The following PTBP2 variants were observed in gnomAD, a reference collection of about 807,000 sequenced individuals.
PTBP2 encodes polypyrimidine tract-binding protein 2.
PTBP2 carries 13 observed loss-of-function variants against 61.4 expected under a neutral mutation model. The ratio of observed to expected loss-of-function variants is 0.21; its 90% CI spans 0.14 to 0.34. PTBP2 has a LOEUF of 0.34. Among genes scored for constraint, PTBP2 ranks in the 10% least tolerant of loss-of-function variants. PTBP2 has a pLI of 1.00. For synonymous variants in PTBP2, 215 were observed against 218.5 expected (o/e 0.98, Z 0.14); for missense variants, 405 against 642.6 (o/e 0.63, Z 4.00).
At chr1:96,737,128 T>G (rs547859219) in intron 2 of PTBP2, among the ~76,000 whole-genome samples, 18 of 152,092 alleles carry the variant, frequency 1.2e-4, no homozygotes, top group African/African-American at 4.3e-4. Context: ...TACAGGCGCC[T>G]GCCACCACAC....
intron 3 of PTBP2, among the ~76,000 whole-genome samples, chr1:96,753,924 C>T (rs528950678): frequency 6.6e-6 from 1 of 152,044 alleles, no homozygotes; most frequent in East Asian, 1.9e-4. Context: ...GACAATGAAG[C>T]AGTCTGACAT....
chr1:96,778,638 T>C (rs1182462857), intron 7 of PTBP2, among the ~76,000 whole-genome samples: 1 of 152,092 alleles, frequency 6.6e-6, no homozygotes, highest in Non-Finnish European at 1.5e-5. Context: ...TTATTACTAT[T>C]CCATTATTAA....
chr1:96,789,984 G>A (rs74104491), intron 8 of PTBP2, among the ~76,000 whole-genome samples: 264 of 152,188 alleles, frequency 1.7e-3, no homozygotes, highest in African/African-American at 6.2e-3. Context: ...TTTTGAAAAT[G>A]CTTTTAAAGT....
chr1:96,795,672 T>G (rs1358552812), intron 8 of PTBP2, among the ~76,000 whole-genome samples: 1 of 152,184 alleles, frequency 6.6e-6, no homozygotes, highest in African/African-American at 2.4e-5. Flanking sequence ...CACAAGAGTA[T>G]ATAAATCAAA....
chr1:96,769,681 A>G (rs376100837), intron 3 of PTBP2, 22 bp from the exon 4 acceptor site: 2 of 1,499,880 alleles, frequency 1.3e-6, no homozygotes, highest in Non-Finnish European at 1.8e-6. Flanking sequence ...ATATATAAGG[A>G]CTGTTTTTTA....
chr1:96,725,319 T>G (rs1650260657), intron 2 of PTBP2, among the ~76,000 whole-genome samples: 1 of 151,148 alleles, frequency 6.6e-6, no homozygotes, highest in African/African-American at 2.4e-5. Context: ...TTTTTTTTTT[T>G]GAGACAGAGT....
chr1:96,731,301 G>C (rs772942280), intron 2 of PTBP2, among the ~76,000 whole-genome samples: 3 of 152,126 alleles, frequency 2.0e-5, no homozygotes, highest in Non-Finnish European at 4.4e-5. Flanking sequence ...GTGTATGGGA[G>C]TGCCTATTTT....
At chr1:96,739,705 C>G (rs1490651411) in intron 2 of PTBP2, among the ~76,000 whole-genome samples, 4 of 145,164 alleles carry the variant, frequency 2.8e-5, no homozygotes, top group African/African-American at 1.0e-4. Flanking sequence ...CTGCTCACTG[C>G]AAGCTCCACC....
rs1008957930 is a variant in PTBP2, at chr1:96,762,944, C to T, written c.116-6759C>T. On this transcript the variant is annotated intron_variant, in intron 3 of 13. Transcript: ENST00000674951. ...GGCGCTCCTCACATCCCAGACGGGG[C>T]GGCGGGGCAGCGGCGCTCCCCACAT... 1.3e-4 allele frequency among the ~76,000 whole-genome samples: 19 copies of T among 146,052 alleles called. 1 individual carries two copies. The highest frequency in any genetic ancestry group is 8.0e-3 in the Middle Eastern group (2 of 250).
At chr1:96,725,968 G>C (rs912164736) in intron 2 of PTBP2, among the ~76,000 whole-genome samples, 1 of 149,922 alleles carries the variant, frequency 6.7e-6, no homozygotes, top group Non-Finnish European at 1.5e-5. Context: ...CCAGCTACTC[G>C]GGAGGCTGAG....
chr1:96,730,443 A>C (rs1651244399), intron 2 of PTBP2, among the ~76,000 whole-genome samples: 1 of 152,052 alleles, frequency 6.6e-6, no homozygotes, highest in Non-Finnish European at 1.5e-5. Context: ...TCTTTGACCC[A>C]TGGGTTATTG....
chr1:96,790,887 A>AAT (rs1165479953), intron 8 of PTBP2, among the ~76,000 whole-genome samples: 1 of 152,198 alleles, frequency 6.6e-6, no homozygotes, highest in Non-Finnish European at 1.5e-5. Context: ...ACTAAACAAA[A>AAT]TTAATTAAAA....
intron 5 of PTBP2, among the ~76,000 whole-genome samples, chr1:96,776,798 G>C (rs758321383): frequency 6.6e-6 from 1 of 151,258 alleles, no homozygotes; most frequent in South Asian, 2.1e-4. Flanking sequence ...TTGATTGACA[G>C]ATTTCCTACA....
At chr1:96,733,399 G>C (rs188431682) in intron 2 of PTBP2, among the ~76,000 whole-genome samples, 179 of 152,252 alleles carry the variant, frequency 1.2e-3, no homozygotes, top group African/African-American at 4.1e-3. Flanking sequence ...AAAGGGCTTT[G>C]CTGGAATGGT....
intron 3 of PTBP2, among the ~76,000 whole-genome samples, chr1:96,752,315 T>C (rs1356984367): frequency 3.3e-5 from 5 of 152,140 alleles, no homozygotes; most frequent in Admixed American, 6.6e-5. Flanking sequence ...ATTTTAACTT[T>C]GAATTATTTG....
At position 96,814,664 on chromosome 1, in the gene PTBP2, A is replaced by G. The variant is rs1662390618; in HGVS notation, c.*1259A>G. 1 of 152,552 alleles carries G rather than the reference A, an allele frequency of 6.6e-6. No individual in the cohort carries two copies. Among genetic ancestry groups the G allele is most frequent in the Non-Finnish European group, 1.5e-5 (1 of 67,980 alleles). The allele number at this position is 152,552 out of a possible 1,614,324, so 9.4% of individuals were successfully genotyped here. A position where few individuals can be genotyped will look rare whatever the true frequency, so the allele number is the denominator to read the frequency against. Reference sequence around the variant, plus strand: ...ATTGATGTACTTAGTTTCAAGATTCATAGATTCTGTTATCTATGTAGACAG... The same window carrying G: ...ATTGATGTACTTAGTTTCAAGATTCGTAGATTCTGTTATCTATGTAGACAG... On this transcript the variant is annotated 3_prime_UTR_variant, in exon 14 of 14. Transcript: ENST00000674951.
chr1:96,769,918 A>C, intron 4 of PTBP2, 43 bp downstream of exon 4: 1 of 1,422,854 alleles, frequency 7.0e-7, no homozygotes, highest in Non-Finnish European at 9.4e-7. Context: ...ACCCCAAACT[A>C]TCCAGCAGGT....
At chr1:96,726,074 C>CAAAAAA (rs762152365) in intron 2 of PTBP2, among the ~76,000 whole-genome samples, 32 of 54,214 alleles carry the variant, frequency 5.9e-4, no homozygotes, top group African/African-American at 1.5e-3. Context: ...GACTCTATCT[C>CAAAAAA]AAAAAAAAAA....
At chr1:96,815,322 T>G (rs890600634), downstream of PTBP2, 1 of 152,162 alleles carries the variant, frequency 6.6e-6, no homozygotes, top group Non-Finnish European at 1.5e-5. Flanking sequence ...TAGACTACCT[T>G]GTGAGTTAAC....
Sources: gnomAD v4.1 joint callset for allele counts (sites outside exome capture counted in the v4.1 genomes callset) on GRCh38, gnomAD v4.1.1 for gene constraint, MANE v1.5 for transcripts, NCBI Gene and HGNC (gene_info 2026-07-23, HGNC 2026-07-21) for gene names.